The following LRBA variants were observed in gnomAD, a reference collection of about 807,000 sequenced individuals.
The protein encoded by LRBA is LPS responsive beige-like anchor protein.
A neutral mutation model predicts 330.0 loss-of-function variants in LRBA; 176 were observed. The observed-to-expected ratio is 0.53, with a 90% CI of 0.47 to 0.60. LRBA has a LOEUF of 0.60. Ranked by LOEUF, LRBA falls within the 20% of genes least tolerant of loss-of-function variation. LRBA has a pLI of 0.00. For missense variants in LRBA, 3,259 were observed against 3,444.8 expected, an observed-to-expected ratio of 0.95 and a Z score of 1.35; for synonymous variants, 1,230 against 1,193.0, an observed-to-expected ratio of 1.03 and a Z score of -0.64.
chr4:150,389,934 T>TGC (rs1743686217), intron 47 of LRBA, among the ~76,000 whole-genome samples: 1 of 94,212 alleles, frequency 1.1e-5, no homozygotes, highest in African/African-American at 3.5e-5. Flanking sequence ...TTTTTTTTTT[T>TGC]GCCAGTGGAT....
In LRBA at chr4:150,529,988, C is replaced by T. The variant is rs112250244; in HGVS notation, c.6331-38953G>A. Among the ~76,000 whole-genome samples the T allele has an allele frequency of 6.3e-3, 955 of 152,236 alleles. 11 individuals carry two copies. The highest frequency in any genetic ancestry group is 0.022 in the African/African-American group (908 of 41,540). ...ATATCATGTTATCTCATAATCCTTG[C>T]ATTCCAAAATGTAGACTAAGCCATC... On this transcript the variant is annotated intron_variant, in intron 40 of 56. Coordinates refer to ENST00000651943, the MANE Select transcript of LRBA (RefSeq NM_001364905.1).
At chr4:150,436,557 A>C (rs1296608778) in intron 45 of LRBA, among the ~76,000 whole-genome samples, 167 bp downstream of exon 45, 2 of 152,224 alleles carry the variant, frequency 1.3e-5, no homozygotes, top group East Asian at 3.8e-4. Context: ...AAACATTTTT[A>C]AGGCAATACA....
chr4:150,481,175 G>GT (rs1221069455), intron 42 of LRBA, among the ~76,000 whole-genome samples: 3 of 152,060 alleles, frequency 2.0e-5, no homozygotes, highest in South Asian at 2.1e-4. Flanking sequence ...AAGATTCCAT[G>GT]TTTTTTTATG....
At chr4:150,844,594 A>T in intron 27 of LRBA, 64 bp downstream of exon 27, 12 of 1,436,114 alleles carry the variant, frequency 8.4e-6, no homozygotes, top group Non-Finnish European at 1.1e-5. Flanking sequence ...GAAATGAACA[A>T]ATAAAAATCT....
Position 150,471,739 on chromosome 4 carries a change from T to A in LRBA, c.6552A>T (p.Arg2184Ser). 7.0e-7 allele frequency: 1 copy of A among 1,420,064 alleles called. No individual in the cohort carries two copies. 88.0% of individuals were successfully genotyped at this position (1,420,064 alleles called of 1,614,324 possible). A position where few individuals can be genotyped will look rare whatever the true frequency, so the allele number is the denominator to read the frequency against. The change falls in exon 43 of 57, where the codon AGA becomes AGT. Residue 2184 changes from arginine (R) to serine (S), a missense_variant and splice_region_variant. Coordinates refer to ENST00000651943, the MANE Select transcript of LRBA (RefSeq NM_001364905.1). ...VGTSFGLPQT[R>S]RISLASPRQL... is the part of the protein sequence containing the mutation. ...GACGTGGACTAGCTAATGAAATACG[T>A]CTGCAAGAAAAAGAATTCAATGTGA...
intron 48 of LRBA, among the ~76,000 whole-genome samples, chr4:150,328,574 C>T (rs1733594665): frequency 6.6e-6 from 1 of 152,190 alleles, no homozygotes; most frequent in South Asian, 2.1e-4. Flanking sequence ...TGAGACAATT[C>T]TGAGAATTCT....
intron 36 of LRBA, among the ~76,000 whole-genome samples, chr4:150,690,662 C>T (rs1023838219): frequency 2.3e-5 from 3 of 132,900 alleles, no homozygotes; most frequent in African/African-American, 8.6e-5. Context: ...TACTGAAACA[C>T]CTGGCTATCC....
chr4:150,798,732 AT>A (rs1294867611), intron 33 of LRBA, among the ~76,000 whole-genome samples: 2 of 152,228 alleles, frequency 1.3e-5, no homozygotes, highest in African/African-American at 4.8e-5. Context: ...CACCAAAAAT[AT>A]CTTTAGAATG....
chr4:150,748,355 G>T (rs1733037541), intron 35 of LRBA, among the ~76,000 whole-genome samples: 2 of 152,084 alleles, frequency 1.3e-5, no homozygotes, highest in Admixed American at 1.3e-4. Context: ...TGTTGGGAAA[G>T]CTGGATATCA....
At chr4:150,983,602 G>A (rs187964000) in intron 2 of LRBA, among the ~76,000 whole-genome samples, 113 of 151,768 alleles carry the variant, frequency 7.4e-4, no homozygotes, top group African/African-American at 2.3e-3. Context: ...ACAGGTGCCC[G>A]CCACCATACC....
chr4:150,911,032 A>G (rs1444375874), intron 9 of LRBA, among the ~76,000 whole-genome samples: 1 of 152,128 alleles, frequency 6.6e-6, no homozygotes, highest in Non-Finnish European at 1.5e-5. Context: ...ATTTGTGTGT[A>G]TTGATTTTGT....
chr4:150,996,307 C>A (rs1343793308), intron 2 of LRBA, among the ~76,000 whole-genome samples: 1 of 152,108 alleles, frequency 6.6e-6, no homozygotes, highest in Non-Finnish European at 1.5e-5. Context: ...TCAAAAGACA[C>A]TAACAAGTAG....
chr4:150,813,566 G>A (rs1189466486), intron 31 of LRBA, among the ~76,000 whole-genome samples: 1 of 151,992 alleles, frequency 6.6e-6, no homozygotes, highest in East Asian at 1.9e-4. Flanking sequence ...AAATTTTTCA[G>A]TGATAATATT....
At chr4:150,952,812 C>G (rs1047852038) in intron 2 of LRBA, among the ~76,000 whole-genome samples, 1 of 152,100 alleles carries the variant, frequency 6.6e-6, no homozygotes, top group African/African-American at 2.4e-5. Context: ...GTCTTCCTCC[C>G]GGAGCACAGA....
intron 2 of LRBA, among the ~76,000 whole-genome samples, chr4:150,938,553 T>C (rs551673099): frequency 3.9e-5 from 6 of 152,320 alleles, no homozygotes; most frequent in South Asian, 4.1e-4. Flanking sequence ...TGATCAGCCA[T>C]GTGACCAAGT....
intron 2 of LRBA, among the ~76,000 whole-genome samples, chr4:150,932,644 G>A (rs1323208443): frequency 1.3e-5 from 2 of 152,110 alleles, no homozygotes; most frequent in South Asian, 2.1e-4. Context: ...GGCTGGGTAC[G>A]TTGGCGCACA....
At chr4:150,853,299 A>G (rs866025276) in intron 22 of LRBA, among the ~76,000 whole-genome samples, 3 of 152,218 alleles carry the variant, frequency 2.0e-5, no homozygotes, top group Non-Finnish European at 4.4e-5. Context: ...TATGCACTGG[A>G]TAACACTTGT....
At position 150,372,323 on chromosome 4, in the gene LRBA, AT is replaced by A. The variant is rs1310664634; in HGVS notation, c.7195-22165del. On this transcript the variant is annotated intron_variant, in intron 47 of 56. Transcript: ENST00000651943. Reference sequence around the variant, plus strand: ...ATTTCTGTATAAAATATTATTGAAAATGTTGGCTGGGCATGGTGACGCATGC... The same window carrying A: ...ATTTCTGTATAAAATATTATTGAAAAGTTGGCTGGGCATGGTGACGCATGC... Among the ~76,000 whole-genome samples the A allele has an allele frequency of 3.3e-5, 5 of 152,180 alleles. No homozygotes were observed. The South Asian group carries it at 6.2e-4, about 19-fold the overall frequency.
At chr4:150,390,374 T>G (rs922165257) in intron 47 of LRBA, among the ~76,000 whole-genome samples, 2 of 152,160 alleles carry the variant, frequency 1.3e-5, no homozygotes, top group Non-Finnish European at 2.9e-5. Flanking sequence ...TACTAAAACA[T>G]CTGCCTCACT....
Sources: allele counts gnomAD v4.1 joint callset (sites outside exome capture counted in the v4.1 genomes callset), GRCh38; gene constraint gnomAD v4.1.1; transcripts MANE v1.5; gene names NCBI Gene and HGNC (gene_info 2026-07-23, HGNC 2026-07-21).